The following KCNJ6 variants were observed in gnomAD, a reference collection of about 807,000 sequenced individuals.
KCNJ6 encodes G protein-activated inward rectifier potassium channel 2.
A neutral mutation model predicts 34.2 loss-of-function variants in KCNJ6; 9 were observed. The observed-to-expected ratio is 0.26, with a 90% CI of 0.16 to 0.46. KCNJ6 has a LOEUF of 0.46. KCNJ6 is among the 20% of genes least tolerant of loss of function. The pLI, the probability that KCNJ6 is intolerant of heterozygous loss-of-function variation, is 1.00. For synonymous variants in KCNJ6, 196 were observed against 207.1 expected, an observed-to-expected ratio of 0.95 and a Z score of 0.46; for missense variants, 236 against 531.3, an observed-to-expected ratio of 0.44 and a Z score of 5.46.
intron 2 of KCNJ6, among the ~76,000 whole-genome samples, chr21:37,837,926 ATG>A (rs1418329333): frequency 6.6e-6 from 1 of 152,222 alleles, no homozygotes; most frequent in East Asian, 1.9e-4. Flanking sequence ...TGTTGACCAC[ATG>A]ATTAGCATTT....
chr21:37,722,194 TATC>T (rs994763996), intron 2 of KCNJ6, among the ~76,000 whole-genome samples: 1 of 152,156 alleles, frequency 6.6e-6, no homozygotes, highest in Non-Finnish European at 1.5e-5. Flanking sequence ...AAATCCCACT[TATC>T]ATAGCCACAC....
At position 37,613,665 on chromosome 21, in the gene KCNJ6, A is replaced by G. The variant is rs185474713; in HGVS notation, c.*11494T>C. 6.6e-6 allele frequency: 1 copy of G among 152,370 alleles called. No individual in the cohort carries two copies. Among genetic ancestry groups the G allele is most frequent in the Admixed American group, 6.5e-5 (1 of 15,306 alleles). 9.4% of individuals were successfully genotyped at this position (152,370 alleles called of 1,614,324 possible). ...TTACTAAGTGAAATAAGCCAATTTT[A>G]TAAGGCTGCGTACTGCATGAGTCCA... is the stretch of plus-strand genomic sequence containing the variant. On this transcript the variant is annotated 3_prime_UTR_variant, in exon 4 of 4. Transcript: ENST00000609713.
Position 37,667,541 on chromosome 21 carries a change from G to GGTAGCGGGGTCCGGC in KCNJ6, c.947-42058_947-42057insGCCGGACCCCGCTAC, listed in dbSNP as rs2054521386. 4.6e-5 allele frequency among the ~76,000 whole-genome samples: 7 copies of GGTAGCGGGGTCCGGC among 151,828 alleles called. No individual in the cohort carries two copies. The South Asian group carries it at 1.5e-3, about 32-fold the overall frequency. On this transcript the variant is annotated intron_variant, in intron 3 of 3. Coordinates refer to ENST00000609713, the MANE Select transcript of KCNJ6 (RefSeq NM_002240.5). ...TGGGCGCCGGGGTAGCGGGGTCCGG[G>GGTAGCGGGGTCCGGC]GTAGCGGGCGCCGGGGTAGCAGGCT...
intron 2 of KCNJ6, among the ~76,000 whole-genome samples, chr21:37,783,209 A>G (rs1213946987): frequency 6.6e-6 from 1 of 152,190 alleles, no homozygotes; most frequent in Non-Finnish European, 1.5e-5. Context: ...GCTGAGGGAG[A>G]TGCAGAAGCT....
chr21:37,778,797 C>A (rs138400374), intron 2 of KCNJ6, among the ~76,000 whole-genome samples: 94 of 151,202 alleles, frequency 6.2e-4, no homozygotes, highest in East Asian at 2.6e-3. Flanking sequence ...AGCATGTGTA[C>A]CCCCCACTTA....
In KCNJ6 at chr21:37,618,104, G is replaced by A. The variant is rs1171411444; in HGVS notation, c.*7055C>T. On this transcript the variant is annotated 3_prime_UTR_variant, in exon 4 of 4. Transcript: ENST00000609713. The stretch of plus-strand genomic sequence containing the variant: ...GGTATTTCTCATACCCATGCCCACA[G>A]TCAGCAATGCTGAGAGATGATGTCA... The A allele has an allele frequency of 6.6e-6, 1 of 152,270 alleles. No homozygotes were observed. Among genetic ancestry groups the A allele is most frequent in the Non-Finnish European group, 1.5e-5 (1 of 68,080 alleles). 9.4% of individuals were successfully genotyped at this position (152,270 alleles called of 1,614,324 possible).
rs1441791484 is a variant in KCNJ6 at position 37,620,250 on chromosome 21, CTTTT to C, written c.*4905_*4908del. ...ACAGTACAGTACAGGGGTCAGCAAACTTTTTTTATACAGGGCCAGATAGTAAATA... is the reference window on the plus strand; with the variant it reads ...ACAGTACAGTACAGGGGTCAGCAAACTTTATACAGGGCCAGATAGTAAATA... On this transcript the variant is annotated 3_prime_UTR_variant, in exon 4 of 4. Transcript: ENST00000609713. 6.6e-6 allele frequency: 1 copy of C among 152,014 alleles called. No homozygotes were observed. Among genetic ancestry groups the C allele is most frequent in the Admixed American group, 6.6e-5 (1 of 15,256 alleles). 9.4% of individuals were successfully genotyped at this position (152,014 alleles called of 1,614,324 possible).
At chr21:37,737,627 G>C (rs560419204) in intron 2 of KCNJ6, among the ~76,000 whole-genome samples, 1 of 152,318 alleles carries the variant, frequency 6.6e-6, no homozygotes, top group African/African-American at 2.4e-5. Context: ...CTTCTGCCCA[G>C]TCATAGTCTA....
At chr21:37,785,120 A>T (rs2055186891) in intron 2 of KCNJ6, among the ~76,000 whole-genome samples, 1 of 152,140 alleles carries the variant, frequency 6.6e-6, no homozygotes, top group Admixed American at 6.5e-5. Context: ...TTCACTTGTG[A>T]ACAATGTTGC....
intron 1 of KCNJ6, among the ~76,000 whole-genome samples, chr21:37,901,307 AAG>A (rs2055815699): frequency 6.6e-6 from 1 of 152,204 alleles, no homozygotes; most frequent in Non-Finnish European, 1.5e-5. Context: ...GTCTTAGAGA[AAG>A]AGTAGGTTGG....
At chr21:37,700,820 A>C (rs2054686937) in intron 3 of KCNJ6, among the ~76,000 whole-genome samples, 1 of 152,152 alleles carries the variant, frequency 6.6e-6, no homozygotes, top group African/African-American at 2.4e-5. Flanking sequence ...CAGACTTCCC[A>C]GCAGATGGCA....
chr21:37,674,467 G>C (rs1262233248), intron 3 of KCNJ6, among the ~76,000 whole-genome samples: 1 of 151,772 alleles, frequency 6.6e-6, no homozygotes, highest in African/African-American at 2.4e-5. Context: ...CTGGCCTGGT[G>C]CCTGTGACCT....
At chr21:37,678,728 G>C (rs1193034770) in intron 3 of KCNJ6, among the ~76,000 whole-genome samples, 4 of 152,204 alleles carry the variant, frequency 2.6e-5, no homozygotes, top group Non-Finnish European at 5.9e-5. Flanking sequence ...AAATAGAAAA[G>C]ACTACAGAGC....
At chr21:37,828,030 CCA>C (rs2055407057) in intron 2 of KCNJ6, among the ~76,000 whole-genome samples, 2 of 152,148 alleles carry the variant, frequency 1.3e-5, no homozygotes, top group Admixed American at 1.3e-4. Flanking sequence ...TCTCTTAAGG[CCA>C]CACTGACGTG....
At chr21:37,812,827 T>C (rs931091622) in intron 2 of KCNJ6, among the ~76,000 whole-genome samples, 1 of 152,132 alleles carries the variant, frequency 6.6e-6, no homozygotes, top group African/African-American at 2.4e-5. Flanking sequence ...GAAGAAAAAC[T>C]GAAAGCCTTT....
intron 2 of KCNJ6, among the ~76,000 whole-genome samples, chr21:37,806,744 A>G (rs2123537308): frequency 6.6e-6 from 1 of 152,374 alleles, no homozygotes; most frequent in East Asian, 1.9e-4. Flanking sequence ...TAGAACAACG[A>G]TAATATTTTA....
chr21:37,873,598 A>G (rs919366339), intron 1 of KCNJ6, among the ~76,000 whole-genome samples: 2 of 152,174 alleles, frequency 1.3e-5, no homozygotes, highest in Non-Finnish European at 2.9e-5. Context: ...ACCCTAATCT[A>G]TAAGTGTTTC....
chr21:37,821,558 C>A (rs951470868), intron 2 of KCNJ6, among the ~76,000 whole-genome samples: 1 of 152,156 alleles, frequency 6.6e-6, no homozygotes, highest in South Asian at 2.1e-4. Flanking sequence ...GCCCCCCCAA[C>A]AGGCCCCAAT....
At chr21:37,746,096 C>A (rs1289041519) in intron 2 of KCNJ6, among the ~76,000 whole-genome samples, 1 of 152,178 alleles carries the variant, frequency 6.6e-6, no homozygotes, top group East Asian at 1.9e-4. Context: ...TGACTCCATC[C>A]TGAGGGCCCT....
Sources: allele counts gnomAD v4.1 joint callset (sites outside exome capture counted in the v4.1 genomes callset), GRCh38; gene constraint gnomAD v4.1.1; transcripts MANE v1.5; gene names NCBI Gene and HGNC (gene_info 2026-07-23, HGNC 2026-07-21).